PORCN: variants seen among roughly 807,000 people sequenced by gnomAD.
PORCN encodes the protein porcupine O-acyltransferase, also known as protein-serine O-palmitoleoyltransferase porcupine.
PORCN carries 1 observed loss-of-function variant against 43.0 expected under a neutral mutation model. The ratio of observed to expected loss-of-function variants is 0.02; its 90% CI spans 0.01 to 0.11. The LOEUF is 0.11. PORCN is among the 10% of genes least tolerant of loss of function. The probability of loss-of-function intolerance (pLI) is 1.00; values close to 1 mark genes in which losing one functional copy is unlikely to be tolerated. For synonymous variants in PORCN, 148 were observed against 166.4 expected (o/e 0.89, Z 0.85); for missense variants, 240 against 392.1 (o/e 0.61, Z 3.28).
In PORCN at chrX:48,514,332, C is replaced by T. The variant is rs782730333; in HGVS notation, c.812C>T (p.Ala271Val). Residue 271 changes from alanine (A) to valine (V), a missense_variant, in exon 9 of 15, where the codon GCT becomes GTT. Transcript: ENST00000326194. ...GAGGCCACGGCCACGTTGGCGGGGG[C>T]TGGCTTTACCGAGGAGAAGGATCAC... ...LSEATATLAG[A>V]GFTEEKDHLE... is the part of the protein sequence containing the mutation. The T allele has an allele frequency of 8.3e-7, 1 of 1,211,873 alleles. No individual in the cohort carries two copies. Among genetic ancestry groups the T allele is most frequent in the Non-Finnish European group, 1.1e-6 (1 of 895,400 alleles).
rs371721940 is a variant in PORCN at position 48,517,191 on chromosome X, G to T, written c.1182G>T (p.Gly394=). ...CCATCTGTCCCCCACAGGGCCTGGG[G>T]GTGCGAGCCTTAAACTTGCTCTTTG... The part of the protein sequence containing the change: ...DCSHQHRLGL[G]VRALNLLFGA... The change falls in exon 14 of 15, where the codon GGG becomes GGT. Residue 394 remains glycine, a synonymous_variant. Transcript: ENST00000326194. 133 of 1,165,853 alleles carry T rather than the reference G, an allele frequency of 1.1e-4. No homozygotes were observed. The highest frequency in any genetic ancestry group is 1.5e-4 in the Non-Finnish European group (130 of 871,683).
chrX:48,510,486 A>G (rs2061666170), intron 2 of PORCN, among the ~76,000 whole-genome samples: 1 of 112,175 alleles, frequency 8.9e-6, no homozygotes, highest in South Asian at 3.7e-4. Context: ...GCAGGCCTGT[A>G]TCTTAATGAA....
intron 4 of PORCN, 50 bp downstream of exon 4, chrX:48,511,985 C>T (rs202167590): frequency 4.1e-5 from 41 of 1,008,306 alleles, no homozygotes; most frequent in East Asian, 6.1e-5. Flanking sequence ...CCCCACTCCT[C>T]GTCTCCTAAC....
intron 1 of PORCN, 28 bp from the exon 2 acceptor site, chrX:48,509,756 C>G: frequency 1.7e-6 from 2 of 1,194,727 alleles, no homozygotes; most frequent in Non-Finnish European, 2.3e-6. Flanking sequence ...CACGGACACC[C>G]GCTCCCTCTG....
rs782361185 is a variant in PORCN at position 48,519,481 on chromosome X, A to T, written c.1285-894A>T. Reference sequence around the variant, plus strand: ...AGTTTATTTTTTCTCTTATTTGTGGACATCAGGTAATTTCTAGTCCTTTCC... The same window carrying T: ...AGTTTATTTTTTCTCTTATTTGTGGTCATCAGGTAATTTCTAGTCCTTTCC... On this transcript the variant is annotated intron_variant, in intron 14 of 14. Coordinates refer to ENST00000326194, the MANE Select transcript of PORCN (RefSeq NM_203475.3). 2.7e-5 allele frequency among the ~76,000 whole-genome samples: 3 copies of T among 111,658 alleles called. No individual in the cohort carries two copies. The South Asian group carries it at 1.1e-3, about 41-fold the overall frequency.
intron 2 of PORCN, 110 bp downstream of exon 2, chrX:48,510,066 G>A: frequency 1.6e-6 from 1 of 621,963 alleles, no homozygotes; most frequent in Non-Finnish European, 2.6e-6. Flanking sequence ...GCCCTAGCAT[G>A]TCCAAGCTGG....
At position 48,512,450 on chromosome X, in the gene PORCN, C is replaced by A; in HGVS notation, c.498C>A (p.Val166=). ...ACCTCTACTTCGTGGGCACCATCGTCTTCGGGCCCTGGATATCCTTCCACA... is the reference window on the plus strand; with the variant it reads ...ACCTCTACTTCGTGGGCACCATCGTATTCGGGCCCTGGATATCCTTCCACA... The part of the protein sequence containing the change: ...MGYLYFVGTI[V]FGPWISFHSY... Residue 166 remains valine, a synonymous_variant, in exon 5 of 15, where the codon GTC becomes GTA. Coordinates refer to ENST00000326194, the MANE Select transcript of PORCN (RefSeq NM_203475.3). The A allele has an allele frequency of 8.3e-7, 1 of 1,209,556 alleles. No homozygotes were observed. The highest frequency in any genetic ancestry group is 1.1e-6 in the Non-Finnish European group (1 of 894,362).
intron 3 of PORCN, 139 bp from the exon 4 acceptor site, chrX:48,511,753 G>A: frequency 1.6e-6 from 1 of 632,712 alleles, no homozygotes; most frequent in Non-Finnish European, 2.7e-6. Context: ...GGGAGCCTGG[G>A]AGAATTTTTC....
chrX:48,515,534 G>C (rs1160216677), intron 10 of PORCN, 183 bp from the exon 11 acceptor site: 13 of 485,446 alleles, frequency 2.7e-5, no homozygotes, highest in African/African-American at 4.7e-5. Flanking sequence ...AACTTGATGA[G>C]ACTGGGAGGA....
intron 14 of PORCN, among the ~76,000 whole-genome samples, chrX:48,518,889 A>T (rs782807244): frequency 9.1e-6 from 1 of 109,947 alleles, no homozygotes; most frequent in South Asian, 3.8e-4. Flanking sequence ...ATCATAGCTC[A>T]CTGCAGCCTC....
At chrX:48,517,084 C>A in intron 13 of PORCN, 99 bp from the exon 14 acceptor site, 1 of 634,435 alleles carries the variant, frequency 1.6e-6, no homozygotes, top group Non-Finnish European at 2.6e-6. Flanking sequence ...GTCCTGGAAC[C>A]CACTGTGCCC....
At chrX:48,519,764 G>A (rs1398209093) in intron 14 of PORCN, among the ~76,000 whole-genome samples, 5 of 112,483 alleles carry the variant, frequency 4.4e-5, no homozygotes, top group African/African-American at 1.3e-4. Flanking sequence ...GGGACGCCCA[G>A]GCAGGCAGAT....
At chrX:48,514,429 G>A in intron 9 of PORCN, 64 bp downstream of exon 9, 1 of 1,190,656 alleles carries the variant, frequency 8.4e-7, no homozygotes, top group Admixed American at 2.2e-5. Flanking sequence ...AGGGAGGAGG[G>A]CGGGTGCTCC....
intron 6 of PORCN, 23 bp downstream of exon 6, chrX:48,512,742 C>A: frequency 8.2e-7 from 1 of 1,212,528 alleles, no homozygotes; most frequent in African/African-American, 1.7e-5. Context: ...TTCGAGGCCC[C>A]TGCCCAGCAA....
rs782735906 is a variant in PORCN, at chrX:48,514,343, G to A, written c.823G>A (p.Glu275Lys). 5.0e-6 allele frequency: 6 copies of A among 1,209,947 alleles called. No homozygotes were observed. Among genetic ancestry groups the A allele is most frequent in the Admixed American group, 4.4e-5 (2 of 45,825 alleles). Residue 275 changes from glutamate to lysine, a missense_variant, in exon 9 of 15, where the codon GAG becomes AAG. Physicochemically the swap from Glu to Lys is moderately conservative, Grantham distance 56. Coordinates refer to ENST00000326194, the MANE Select transcript of PORCN (RefSeq NM_203475.3). ...TATLAGAGFT[E>K]EKDHLEWDLT... Reference sequence around the variant, plus strand: ...CACGTTGGCGGGGGCTGGCTTTACCGAGGAGAAGGATCACCTGGAATGGTG... The same window carrying A: ...CACGTTGGCGGGGGCTGGCTTTACCAAGGAGAAGGATCACCTGGAATGGTG...
Position 48,517,241 on chromosome X carries a change from C to A in PORCN, c.1232C>A (p.Ala411Asp). The part of the protein sequence containing the change: ...LFGALAIFHL[A>D]YLGSLFDVDV... The stretch of plus-strand genomic sequence containing the variant: ...GGAGCTCTGGCCATCTTCCACCTGG[C>A]CTACCTGGGCTCCCTGTTTGATGTC... The change falls in exon 14 of 15, where the codon GCC becomes GAC. Residue 411 changes from alanine to aspartate, a missense_variant. Transcript: ENST00000326194. 8.5e-7 allele frequency: 1 copy of A among 1,171,180 alleles called. No homozygotes were observed.
At position 48,511,404 on chromosome X, in the gene PORCN, C is replaced by T; in HGVS notation, c.246C>T (p.Cys82=). Residue 82 remains cysteine, a synonymous_variant, in exon 3 of 15, where the codon TGC becomes TGT. Coordinates refer to ENST00000326194, the MANE Select transcript of PORCN (RefSeq NM_203475.3). ...MVWVVLLSLL[C]YLVLFLCRHS... ...GGGTCGTGCTGCTCAGCCTCCTGTG[C>T]TACCTCGTGCTGTTCCTCTGCCGAC... is the stretch of plus-strand genomic sequence containing the variant. The T allele has an allele frequency of 1.7e-6, 2 of 1,211,341 alleles. No homozygotes were observed. Among genetic ancestry groups the T allele is most frequent in the Non-Finnish European group, 2.2e-6 (2 of 895,083 alleles).
intron 10 of PORCN, 188 bp from the exon 11 acceptor site, chrX:48,515,529 G>A: frequency 8.4e-6 from 4 of 478,439 alleles, no homozygotes; most frequent in Non-Finnish European, 1.5e-5. Context: ...GACTGAACTT[G>A]ATGAGACTGG....
chrX:48,516,072 C>T lies in PORCN; in HGVS notation c.1099C>T (p.Arg367Cys), dbSNP rs1245335951. Reference protein sequence around the residue: ...ITYVEHVLRKRLARILSACVL... With the variant: ...ITYVEHVLRKCLARILSACVL... ...CCCCACCACCCTAGTCCTCCGGAAG[C>T]GCCTGGCTCGGATCCTCAGTGCCTG... is the stretch of plus-strand genomic sequence containing the variant. Residue 367 changes from arginine to cysteine, a missense_variant, in exon 13 of 15, where the codon CGC (arginine) becomes TGC (cysteine). By Grantham distance (180) the Arg-to-Cys change is radical (BLOSUM62 -3). Coordinates refer to ENST00000326194, the MANE Select transcript of PORCN (RefSeq NM_203475.3). 9 of 1,209,764 alleles carry T rather than the reference C, an allele frequency of 7.4e-6. No homozygotes were observed. The highest frequency in any genetic ancestry group is 8.9e-6 in the Non-Finnish European group (8 of 894,931).
Sources: allele counts gnomAD v4.1 joint callset (sites outside exome capture counted in the v4.1 genomes callset), GRCh38; gene constraint gnomAD v4.1.1; transcripts MANE v1.5; gene names NCBI Gene and HGNC (gene_info 2026-07-23, HGNC 2026-07-21).